The following PABPC4L variants were observed in gnomAD, a reference collection of about 807,000 sequenced individuals.
PABPC4L encodes polyadenylate-binding protein 4-like.
For synonymous variants in PABPC4L, 169 were observed against 164.1 expected, an observed-to-expected ratio of 1.03 and a Z score of -0.23; for missense variants, 452 against 451.4, an observed-to-expected ratio of 1.00 and a Z score of -0.01.
the PABPC4L span, among the ~76,000 whole-genome samples, chr4:134,154,906 T>A: frequency 1.3e-5 from 2 of 152,094 alleles, no homozygotes; most frequent in Non-Finnish European, 2.9e-5. Flanking sequence ...TGATATTAAT[T>A]TTCAGGTAAA....
At chr4:133,999,828 G>T in the PABPC4L span, among the ~76,000 whole-genome samples, 599 of 151,972 alleles carry the variant, frequency 3.9e-3, 6 homozygotes, top group African/African-American at 0.014. Context: ...ATTTTCCAAT[G>T]CAAATCTGCC....
the PABPC4L span, among the ~76,000 whole-genome samples, chr4:134,032,372 G>T: frequency 6.6e-6 from 1 of 151,886 alleles, no homozygotes; most frequent in Non-Finnish European, 1.5e-5. Flanking sequence ...GTGAGGAGAA[G>T]CAGGGAGAGA....
chr4:134,146,484 A>G, the PABPC4L span, among the ~76,000 whole-genome samples: 1 of 152,032 alleles, frequency 6.6e-6, no homozygotes, highest in South Asian at 2.1e-4. Flanking sequence ...TTGTCTGACA[A>G]GCAATAGGAA....
the PABPC4L span, among the ~76,000 whole-genome samples, chr4:134,152,077 C>G: frequency 6.6e-6 from 1 of 151,788 alleles, no homozygotes; most frequent in Non-Finnish European, 1.5e-5. Context: ...TTGATTTATA[C>G]AAGTGCCTTA....
the PABPC4L span, among the ~76,000 whole-genome samples, chr4:134,076,475 G>A: frequency 6.6e-6 from 1 of 151,968 alleles, no homozygotes; most frequent in Non-Finnish European, 1.5e-5. Flanking sequence ...AGAAGGAAGG[G>A]ACATACATGC....
the PABPC4L span, among the ~76,000 whole-genome samples, chr4:134,088,125 T>A: frequency 6.6e-6 from 1 of 152,046 alleles, no homozygotes; most frequent in Non-Finnish European, 1.5e-5. Context: ...CCCTTCTGTC[T>A]CCCATTGTTA....
At chr4:134,108,424 A>G in the PABPC4L span, among the ~76,000 whole-genome samples, 1 of 151,838 alleles carries the variant, frequency 6.6e-6, no homozygotes, top group Non-Finnish European at 1.5e-5. Flanking sequence ...AACCTAATAA[A>G]ATTAAACAGA....
the PABPC4L span, among the ~76,000 whole-genome samples, chr4:134,079,886 G>A: frequency 6.6e-6 from 1 of 151,764 alleles, no homozygotes; most frequent in Non-Finnish European, 1.5e-5. Context: ...GACAGTGACA[G>A]GTCTTCAGAA....
chr4:134,159,973 C>T, the PABPC4L span, among the ~76,000 whole-genome samples: 2 of 152,258 alleles, frequency 1.3e-5, no homozygotes, highest in African/African-American at 4.8e-5. Flanking sequence ...TTATAAAGCA[C>T]CAATTCCAGG....
chr4:134,089,881 T>G, the PABPC4L span, among the ~76,000 whole-genome samples: 1 of 152,050 alleles, frequency 6.6e-6, no homozygotes, highest in African/African-American at 2.4e-5. Context: ...GCTGAATGGT[T>G]GTAGGCATCC....
chr4:134,169,607 A>C, the PABPC4L span, among the ~76,000 whole-genome samples: 1 of 152,204 alleles, frequency 6.6e-6, no homozygotes, highest in South Asian at 2.1e-4. Context: ...AGGATACAAA[A>C]TCAACCAACA....
the PABPC4L span, among the ~76,000 whole-genome samples, chr4:134,187,127 C>G: frequency 6.6e-6 from 1 of 152,064 alleles, no homozygotes; most frequent in African/African-American, 2.4e-5. Flanking sequence ...TTGCGGAAGA[C>G]AGTGTGGCAA....
At chr4:134,161,868 T>G in the PABPC4L span, among the ~76,000 whole-genome samples, 1 of 152,106 alleles carries the variant, frequency 6.6e-6, no homozygotes, top group Non-Finnish European at 1.5e-5. Context: ...AGCAATTTGT[T>G]GAGACTGTAC....
chr4:134,177,892 A>T, the PABPC4L span, among the ~76,000 whole-genome samples: 1 of 151,858 alleles, frequency 6.6e-6, no homozygotes, highest in African/African-American at 2.4e-5. Context: ...CCCCACCATT[A>T]ATAGCCAAGC....
the PABPC4L span, among the ~76,000 whole-genome samples, chr4:134,026,760 T>C: frequency 6.6e-6 from 1 of 152,140 alleles, no homozygotes; most frequent in Non-Finnish European, 1.5e-5. Flanking sequence ...TTACTGGTGT[T>C]CTATAAAAAG....
At chr4:134,142,120 G>A in the PABPC4L span, among the ~76,000 whole-genome samples, 2 of 151,682 alleles carry the variant, frequency 1.3e-5, no homozygotes, top group Admixed American at 1.3e-4. Context: ...GGCACAGGAA[G>A]CTCTCAGAAA....
the PABPC4L span, among the ~76,000 whole-genome samples, chr4:133,975,654 C>A: frequency 6.6e-6 from 1 of 152,074 alleles, no homozygotes; most frequent in Non-Finnish European, 1.5e-5. Flanking sequence ...ACTAAAGAGT[C>A]ATTTTCCCTC....
At chr4:134,145,854 C>G in the PABPC4L span, among the ~76,000 whole-genome samples, 1 of 151,894 alleles carries the variant, frequency 6.6e-6, no homozygotes, top group Admixed American at 6.6e-5. Context: ...ACAAGCATAT[C>G]CCTGCTATTA....
chr4:134,042,170 A>G, the PABPC4L span, among the ~76,000 whole-genome samples: 4 of 152,194 alleles, frequency 2.6e-5, no homozygotes, highest in Non-Finnish European at 5.9e-5. Flanking sequence ...ATCTAAGTGT[A>G]GTAACTCAGG....
Sources: allele counts gnomAD v4.1 joint callset (sites outside exome capture counted in the v4.1 genomes callset), GRCh38; gene constraint gnomAD v4.1.1; transcripts MANE v1.5; gene names NCBI Gene and HGNC (gene_info 2026-07-23, HGNC 2026-07-21).